The following IL6R variants were observed in gnomAD, a reference collection of about 807,000 sequenced individuals.
IL6R encodes interleukin 6 receptor.
A neutral mutation model predicts 48.3 loss-of-function variants in IL6R; 38 were observed. The observed-to-expected ratio is 0.79, with a 90% CI of 0.61 to 1.03. The LOEUF is 1.03. Ranked by LOEUF, IL6R falls within the 50% of genes least tolerant of loss-of-function variation. The probability of loss-of-function intolerance (pLI) is 0.00; values close to 1 mark genes in which losing one functional copy is unlikely to be tolerated. For missense variants in IL6R, 534 were observed against 618.3 expected, an observed-to-expected ratio of 0.86 and a Z score of 1.45; for synonymous variants, 264 against 256.2, an observed-to-expected ratio of 1.03 and a Z score of -0.29.
chr1:154,422,812 G>C (rs1041995978), intron 1 of IL6R, among the ~76,000 whole-genome samples: 3 of 152,170 alleles, frequency 2.0e-5, no homozygotes, highest in Admixed American at 6.5e-5. Context: ...AGAATGACTG[G>C]GCATATCTCC....
intron 6 of IL6R, among the ~76,000 whole-genome samples, chr1:154,437,861 A>C (rs1228613539): frequency 1.4e-5 from 2 of 147,604 alleles, no homozygotes; most frequent in African/African-American, 2.5e-5. Flanking sequence ...CTACAGGTGC[A>C]CACCACCACG....
At chr1:154,432,281 G>C (rs1328016575) in intron 3 of IL6R, among the ~76,000 whole-genome samples, 1 of 152,118 alleles carries the variant, frequency 6.6e-6, no homozygotes, top group Non-Finnish European at 1.5e-5. Flanking sequence ...GATTAGCCAG[G>C]ATAGAGACTG....
chr1:154,438,512 G>GA (rs139196051), intron 6 of IL6R, among the ~76,000 whole-genome samples: 169 of 148,242 alleles, frequency 1.1e-3, no homozygotes, highest in Non-Finnish European at 1.9e-3. Flanking sequence ...TGGCAGTTAG[G>GA]AAAAAAAAAA....
At chr1:154,457,322 C>CCAAAA (rs1690940097) in intron 9 of IL6R, among the ~76,000 whole-genome samples, 1 of 78,128 alleles carries the variant, frequency 1.3e-5, no homozygotes, top group Non-Finnish European at 2.5e-5. Flanking sequence ...GACTCCGTCT[C>CCAAAA]AAAAAAAAAA....
chr1:154,449,534 AAAG>A (rs989337356), intron 7 of IL6R, among the ~76,000 whole-genome samples: 3 of 152,134 alleles, frequency 2.0e-5, no homozygotes, highest in Non-Finnish European at 4.4e-5. Context: ...AAACAAAAAA[AAAG>A]AAGTCTGTCC....
At chr1:154,434,730 G>A (rs1013919927) in intron 4 of IL6R, 30 bp downstream of exon 4, 7 of 1,592,610 alleles carry the variant, frequency 4.4e-6, no homozygotes, top group South Asian at 1.1e-5. Context: ...CTCTCCAGCA[G>A]TTTCCTTCTC....
intron 7 of IL6R, among the ~76,000 whole-genome samples, chr1:154,448,655 G>A (rs1056145080): frequency 3.3e-5 from 5 of 152,210 alleles, no homozygotes; most frequent in Non-Finnish European, 5.9e-5. Flanking sequence ...GGAGCTGTGC[G>A]GCACAGGGAA....
intron 9 of IL6R, among the ~76,000 whole-genome samples, chr1:154,456,218 T>C (rs181101081): frequency 6.6e-6 from 1 of 151,232 alleles, no homozygotes; most frequent in Non-Finnish European, 1.5e-5. Context: ...TTTTTTTTTT[T>C]TTTTGAGATG....
intron 3 of IL6R, among the ~76,000 whole-genome samples, chr1:154,432,578 G>T (rs1395354463): frequency 2.0e-5 from 3 of 152,042 alleles, no homozygotes; most frequent in Non-Finnish European, 4.4e-5. Context: ...GGCTGGTCTC[G>T]AACTTCTGAC....
Position 154,447,474 on chromosome 1 carries a change from T to TACAC in IL6R, c.950-650_950-649insCACA, listed in dbSNP as rs1195596480. Among the ~76,000 whole-genome samples the TACAC allele has an allele frequency of 6.8e-4, 59 of 87,146 alleles. 2 individuals are homozygous for TACAC. Among genetic ancestry groups the TACAC allele is most frequent in the African/African-American group, 2.5e-3 (53 of 20,818 alleles). 57.2% of individuals were successfully genotyped at this position (87,146 alleles called of 152,430 possible). ...AAAAAAATATATATATATATATATA[T>TACAC]ATACACACACACACACACACACACA... On this transcript the variant is annotated intron_variant, in intron 6 of 9. Transcript: ENST00000368485.
At chr1:154,456,934 G>A (rs1308700582) in intron 9 of IL6R, among the ~76,000 whole-genome samples, 2 of 152,144 alleles carry the variant, frequency 1.3e-5, no homozygotes, top group Non-Finnish European at 2.9e-5. Flanking sequence ...GAGGGAGTGT[G>A]CATTAGACAC....
intron 9 of IL6R, among the ~76,000 whole-genome samples, chr1:154,462,177 T>C (rs1317248307): frequency 6.6e-6 from 1 of 152,138 alleles, no homozygotes; most frequent in East Asian, 1.9e-4. Context: ...GTGGAGATGG[T>C]TTTACAATCA....
chr1:154,432,198 C>G (rs955794883), intron 3 of IL6R, among the ~76,000 whole-genome samples: 1 of 152,160 alleles, frequency 6.6e-6, no homozygotes, highest in Non-Finnish European at 1.5e-5. Context: ...GCTCATGCCC[C>G]AAGCCTGGAT....
At chr1:154,446,401 G>A (rs183152743) in intron 6 of IL6R, among the ~76,000 whole-genome samples, 1 of 152,306 alleles carries the variant, frequency 6.6e-6, no homozygotes, top group African/African-American at 2.4e-5. Context: ...AACCCTCCCT[G>A]ACGCCGAAGC....
In IL6R at chr1:154,436,065, G is replaced by T. The variant is rs768129457; in HGVS notation, c.904G>T (p.Glu302Ter). 2 of 1,613,034 alleles carry T rather than the reference G, an allele frequency of 1.2e-6. No individual in the cohort carries two copies. The highest frequency in any genetic ancestry group is 1.7e-6 in the Non-Finnish European group (2 of 1,179,406). Residue 302 changes from glutamate (E) to a stop codon, truncating the protein, a stop_gained, in exon 6 of 10, where the codon GAG becomes TAG. Transcript: ENST00000368485. LOFTEE classifies it high-confidence loss of function. ...LRAQEEFGQG[E>*]WSEWSPEAMG... ...TGCCCAGGAGGAGTTCGGGCAAGGC[G>T]AGTGGAGCGAGTGGAGCCCGGAGGC...
At chr1:154,465,061 T>C in intron 9 of IL6R, 73 bp from the exon 10 acceptor site, 15 of 1,586,114 alleles carry the variant, frequency 9.5e-6, no homozygotes, top group Non-Finnish European at 1.1e-5. Context: ...CAGCTGTTGG[T>C]GTTTTCCACT....
chr1:154,434,617 C>T lies in IL6R; in HGVS notation c.557C>T (p.Ser186Phe), dbSNP rs1452224653. ...TTAGCAGTCCCGGAGGGAGACAGCT[C>T]TTTCTACATAGTGTCCATGTGCGTC... is the stretch of plus-strand genomic sequence containing the variant. ...CQLAVPEGDSSFYIVSMCVAS... is the reference protein window; with the variant it reads ...CQLAVPEGDSFFYIVSMCVAS... Residue 186 changes from serine to phenylalanine, a missense_variant, in exon 4 of 10, where the codon TCT (serine) becomes TTT (phenylalanine). Coordinates refer to ENST00000368485, the MANE Select transcript of IL6R (RefSeq NM_000565.4). The T allele has an allele frequency of 1.2e-6, 2 of 1,613,994 alleles. No homozygotes were observed. The highest frequency in any genetic ancestry group is 1.3e-5 in the African/African-American group (1 of 74,910).
At chr1:154,461,333 A>G (rs1691249765) in intron 9 of IL6R, among the ~76,000 whole-genome samples, 1 of 152,180 alleles carries the variant, frequency 6.6e-6, no homozygotes, top group African/African-American at 2.4e-5. Context: ...GCCTTCCACA[A>G]GAAGCTGGTG....
intron 7 of IL6R, among the ~76,000 whole-genome samples, chr1:154,449,536 AG>A (rs1479282205): frequency 1.4e-4 from 21 of 152,142 alleles, no homozygotes; most frequent in Non-Finnish European, 2.8e-4. Context: ...ACAAAAAAAA[AG>A]AAGTCTGTCC....
Sources: allele counts gnomAD v4.1 joint callset (sites outside exome capture counted in the v4.1 genomes callset), GRCh38; gene constraint gnomAD v4.1.1; transcripts MANE v1.5; gene names NCBI Gene and HGNC (gene_info 2026-07-23, HGNC 2026-07-21).